NTRK2: variants seen among roughly 807,000 people sequenced by gnomAD.
NTRK2 encodes the protein BDNF/NT-3 growth factors receptor.
In NTRK2, 13 loss-of-function variants were observed where a neutral mutation model predicts 94.5. The observed-to-expected ratio is 0.14, with a 90% confidence interval of 0.09 to 0.22. The LOEUF (loss-of-function observed/expected upper bound fraction) is 0.22, where lower values mean the gene tolerates loss of function less well. Ranked by LOEUF, NTRK2 falls within the 10% of genes least tolerant of loss-of-function variation. The pLI is 1.00. For synonymous variants in NTRK2, 372 were observed against 407.4 expected (o/e 0.91, Z 1.05); for missense variants, 639 against 1,071.2 (o/e 0.60, Z 5.63).
intron 14 of NTRK2, chr9:84,875,215 CT>C (rs2076019131): frequency 4.1e-5 from 43 of 1,058,024 alleles, no homozygotes; most frequent in Non-Finnish European, 4.7e-5. Context: ...TAATGGCTCA[CT>C]TTGGGGAGAT....
At chr9:84,724,384 T>C in intron 8 of NTRK2, 28 bp downstream of exon 8, 1 of 1,613,980 alleles carries the variant, frequency 6.2e-7, no homozygotes, top group Non-Finnish European at 8.5e-7. Flanking sequence ...CATGTGTTTT[T>C]AATAGCAAAT....
chr9:84,815,039 CTG>C (rs2072243120), intron 12 of NTRK2: 1 of 1,058,872 alleles, frequency 9.4e-7, no homozygotes, highest in African/African-American at 1.6e-5. Flanking sequence ...TGCTGCCAGA[CTG>C]AATTTGGCTG....
chr9:84,719,604 C>T (rs541020759), intron 6 of NTRK2, among the ~76,000 whole-genome samples: 5 of 152,200 alleles, frequency 3.3e-5, no homozygotes, highest in South Asian at 2.1e-4. Flanking sequence ...AGGTGGGTGT[C>T]TTTAGGCTTC....
intron 14 of NTRK2, among the ~76,000 whole-genome samples, chr9:84,925,843 C>T (rs1164539868): frequency 6.6e-6 from 1 of 152,170 alleles, no homozygotes; most frequent in East Asian, 1.9e-4. Flanking sequence ...TCACTTCTTA[C>T]CATGCTCAAA....
chr9:84,884,490 A>T (rs2076354765), intron 14 of NTRK2, among the ~76,000 whole-genome samples: 1 of 152,238 alleles, frequency 6.6e-6, no homozygotes, highest in Non-Finnish European at 1.5e-5. Context: ...AAGATGGGAG[A>T]TACAGACATG....
chr9:84,959,639 C>A (rs1389095926), intron 17 of NTRK2, among the ~76,000 whole-genome samples: 1 of 152,258 alleles, frequency 6.6e-6, no homozygotes, highest in African/African-American at 2.4e-5. Flanking sequence ...TGCATTGAAA[C>A]CAGCCCAACA....
chr9:84,686,056 C>T (rs2059695234), intron 2 of NTRK2, among the ~76,000 whole-genome samples: 4 of 152,244 alleles, frequency 2.6e-5, no homozygotes, highest in Admixed American at 2.6e-4. Context: ...ATAAATCTAT[C>T]ATCTAGAACT....
At position 84,670,414 on chromosome 9, in the gene NTRK2, A is replaced by T. The variant is rs1383627192; in HGVS notation, c.-335A>T. The T allele has an allele frequency of 4.6e-6, 2 of 435,136 alleles. No individual in the cohort carries two copies. Among genetic ancestry groups the T allele is most frequent in the African/African-American group, 2.0e-5 (1 of 49,784 alleles). 27.0% of individuals were successfully genotyped at this position (435,136 alleles called of 1,614,324 possible). ...TACCGGACCCCCATTCGCATCTAAC[A>T]AGGAATCTGCGCCCCAGAGAGTCCC... On this transcript the variant is annotated 5_prime_UTR_variant, in exon 2 of 19. Coordinates refer to ENST00000277120, the MANE Select transcript of NTRK2 (RefSeq NM_006180.6).
rs182361918 is a variant in NTRK2 at position 84,791,551 on chromosome 9, C to T, written c.1396+39466C>T. On this transcript the variant is annotated intron_variant, in intron 12 of 18. Transcript: ENST00000277120. Reference sequence around the variant, plus strand: ...TGTTTGGGGGTGGGGGGCACAGACACCCTGAAAAGTTCCAGAGAACACATG... The same window carrying T: ...TGTTTGGGGGTGGGGGGCACAGACATCCTGAAAAGTTCCAGAGAACACATG... Among the ~76,000 whole-genome samples, 3 of 152,192 alleles carry T rather than the reference C, an allele frequency of 2.0e-5. No homozygotes were observed. The East Asian group carries it at 5.8e-4, about 29-fold the overall frequency.
chr9:84,773,173 A>G (rs933235554), intron 12 of NTRK2, among the ~76,000 whole-genome samples: 2 of 152,196 alleles, frequency 1.3e-5, no homozygotes, highest in African/African-American at 4.8e-5. Flanking sequence ...TGGCCTTCAC[A>G]TTGTTTTAAT....
intron 17 of NTRK2, among the ~76,000 whole-genome samples, chr9:85,000,349 C>T (rs1199301837): frequency 6.6e-6 from 1 of 152,130 alleles, no homozygotes; most frequent in African/African-American, 2.4e-5. Context: ...TGTAGTATTA[C>T]ACAGAATAGT....
intron 14 of NTRK2, among the ~76,000 whole-genome samples, chr9:84,892,768 A>C (rs1451484965): frequency 6.6e-6 from 1 of 152,166 alleles, no homozygotes; most frequent in Non-Finnish European, 1.5e-5. Context: ...TAAAAAATAC[A>C]AAAATTAGCT....
chr9:85,016,790 T>C (rs995580934), intron 17 of NTRK2, among the ~76,000 whole-genome samples: 1 of 152,128 alleles, frequency 6.6e-6, no homozygotes, highest in African/African-American at 2.4e-5. Flanking sequence ...TTTATTAGAT[T>C]GTCCCACCAC....
chr9:84,739,530 G>A (rs1292032438), intron 9 of NTRK2, among the ~76,000 whole-genome samples: 1 of 152,190 alleles, frequency 6.6e-6, no homozygotes, highest in East Asian at 1.9e-4. Flanking sequence ...GATTAAACCT[G>A]TATGTCATTC....
chr9:84,890,754 G>A (rs993298799), intron 14 of NTRK2, among the ~76,000 whole-genome samples: 8 of 152,266 alleles, frequency 5.3e-5, no homozygotes, highest in Middle Eastern at 3.4e-3. Flanking sequence ...GAACAAAGAC[G>A]TAGGACACAA....
At chr9:84,865,531 C>T (rs777496566) in intron 13 of NTRK2, among the ~76,000 whole-genome samples, 13 of 152,054 alleles carry the variant, frequency 8.5e-5, no homozygotes, top group African/African-American at 1.2e-4. Context: ...GACTGGATGA[C>T]AAAACAACTT....
chr9:84,763,424 T>C (rs560589720), intron 12 of NTRK2, among the ~76,000 whole-genome samples: 1 of 152,300 alleles, frequency 6.6e-6, no homozygotes, highest in East Asian at 1.9e-4. Context: ...TTTCATCTTC[T>C]TCCACATACT....
intron 14 of NTRK2, among the ~76,000 whole-genome samples, chr9:84,916,519 C>T (rs2132535269): frequency 6.6e-6 from 1 of 152,218 alleles, no homozygotes; most frequent in East Asian, 1.9e-4. Flanking sequence ...TAGGTGGAGA[C>T]ACGTAAGAAG....
chr9:84,878,247 TA>T (rs1295864457), intron 14 of NTRK2, among the ~76,000 whole-genome samples: 1 of 152,204 alleles, frequency 6.6e-6, no homozygotes, highest in Non-Finnish European at 1.5e-5. Context: ...AAATTTTAAA[TA>T]AAGCCAGCAT....
Sources: allele counts gnomAD v4.1 joint callset (sites outside exome capture counted in the v4.1 genomes callset), GRCh38; gene constraint gnomAD v4.1.1; transcripts MANE v1.5; gene names NCBI Gene and HGNC (gene_info 2026-07-23, HGNC 2026-07-21).